The following UCHL3 variants were observed in gnomAD, a reference collection of about 807,000 sequenced individuals.
The protein encoded by UCHL3 is ubiquitin C-terminal hydrolase L3.
UCHL3 carries 22 observed loss-of-function variants against 35.8 expected under a neutral mutation model. The ratio of observed to expected loss-of-function variants is 0.61; its 90% confidence interval spans 0.44 to 0.88. The LOEUF is 0.88. Among genes scored for constraint, UCHL3 ranks in the 40% least tolerant of loss-of-function variants. The pLI is 0.00. For synonymous variants in UCHL3, 90 were observed against 92.8 expected, an observed-to-expected ratio of 0.97 and a Z score of 0.17; for missense variants, 229 against 276.9, an observed-to-expected ratio of 0.83 and a Z score of 1.23.
intron 7 of UCHL3, among the ~76,000 whole-genome samples, chr13:75,595,916 C>T (rs2032635913): frequency 6.6e-6 from 1 of 151,812 alleles, no homozygotes; most frequent in Non-Finnish European, 1.5e-5. Context: ...CTTATTATGA[C>T]TTCTTCTTAT....
chr13:75,595,957 A>G (rs575243293), intron 7 of UCHL3, among the ~76,000 whole-genome samples: 123 of 152,278 alleles, frequency 8.1e-4, no homozygotes, highest in African/African-American at 2.8e-3. Context: ...CGAGTTTTAA[A>G]AAAGCCAAAT....
chr13:75,592,084 G>A (rs7997260), intron 6 of UCHL3, among the ~76,000 whole-genome samples: 150,610 of 152,038 alleles, frequency 0.99, 74,616 homozygotes, highest in Middle Eastern at 1. Flanking sequence ...CTGGTGGTAT[G>A]TATTAAGTGC....
Position 75,604,825 on chromosome 13 carries a change from G to A in UCHL3, c.607G>A (p.Glu203Lys). The A allele has an allele frequency of 1.9e-6, 3 of 1,596,172 alleles. No individual in the cohort carries two copies. Among genetic ancestry groups the A allele is most frequent in the Non-Finnish European group, 2.6e-6 (3 of 1,171,492 alleles). Reference sequence around the variant, plus strand: ...TGAAACTAGTGATGAAACTTTATTAGAGGTAACAGTAACACTTGTTGGCCC... The same window carrying A: ...TGAAACTAGTGATGAAACTTTATTAAAGGTAACAGTAACACTTGTTGGCCC... ...HGETSDETLL[E>K]DAIEVCKKFM... The change falls in exon 8 of 9, where the codon GAG (glutamate) becomes AAG (lysine). Residue 203 changes from glutamate (E) to lysine (K), a missense_variant and splice_region_variant. By Grantham distance (56) the Glu-to-Lys change is moderately conservative. Coordinates refer to ENST00000377595, the MANE Select transcript of UCHL3 (RefSeq NM_006002.5).
At chr13:75,567,379 G>A (rs2031719969) in intron 5 of UCHL3, 67 bp downstream of exon 5, 12 of 1,409,084 alleles carry the variant, frequency 8.5e-6, no homozygotes, top group Non-Finnish European at 1.1e-5. Context: ...ATGTGTTTGG[G>A]GGTTTTGTCT....
At chr13:75,570,271 T>C (rs1462135999) in intron 6 of UCHL3, among the ~76,000 whole-genome samples, 2 of 152,076 alleles carry the variant, frequency 1.3e-5, no homozygotes, top group Non-Finnish European at 2.9e-5. Context: ...AGAGTCTTGC[T>C]CAGTTGCCCA....
rs551387926 is a variant in UCHL3, at chr13:75,588,875, A to G, written c.475-6040A>G. ...TACTCCCTCAAATTTTTTATTTTAT[A>G]TACTGGTGTTATTAATCCAATGTGA... On this transcript the variant is annotated intron_variant, in intron 6 of 8. Coordinates refer to ENST00000377595, the MANE Select transcript of UCHL3 (RefSeq NM_006002.5). 1.1e-4 allele frequency among the ~76,000 whole-genome samples: 17 copies of G among 152,248 alleles called. No individual in the cohort carries two copies. The East Asian group carries it at 2.9e-3, about 26-fold the overall frequency.
At chr13:75,602,398 A>G (rs761873410) in intron 7 of UCHL3, among the ~76,000 whole-genome samples, 6 of 152,168 alleles carry the variant, frequency 3.9e-5, no homozygotes, top group African/African-American at 7.2e-5. Context: ...TCAGGCCACT[A>G]TTTTCTTCCC....
chr13:75,572,051 CCTTT>C lies in UCHL3; in HGVS notation c.474+2550_474+2553del, dbSNP rs890018914. ...TTTACTTTTCCTTCCTTCCTTCCTT[CCTTT>C]CTTTCCTTCCTTTTCTTTAACTTGT... is the stretch of plus-strand genomic sequence containing the variant. On this transcript the variant is annotated intron_variant, in intron 6 of 8. Coordinates refer to ENST00000377595, the MANE Select transcript of UCHL3 (RefSeq NM_006002.5). Among the ~76,000 whole-genome samples, 13 of 139,946 alleles carry C rather than the reference CCTTT, an allele frequency of 9.3e-5. No homozygotes were observed. In the East Asian group the frequency reaches 1.0e-3, roughly 11 times the overall value. 91.8% of individuals were successfully genotyped at this position (139,946 alleles called of 152,430 possible).
chr13:75,581,516 A>ATT (rs11330521), intron 6 of UCHL3, among the ~76,000 whole-genome samples: 2 of 109,396 alleles, frequency 1.8e-5, no homozygotes, highest in African/African-American at 3.5e-5. Context: ...CACCTGGCTA[A>ATT]TTTTTTTTTT....
At chr13:75,601,571 G>A (rs1385735730) in intron 7 of UCHL3, among the ~76,000 whole-genome samples, 1 of 152,038 alleles carries the variant, frequency 6.6e-6, no homozygotes, top group East Asian at 1.9e-4. Context: ...TTTAATTAAG[G>A]TATGTATATT....
intron 2 of UCHL3, among the ~76,000 whole-genome samples, chr13:75,552,555 A>T (rs1402876965): frequency 2.0e-5 from 3 of 152,244 alleles, no homozygotes; most frequent in African/African-American, 7.2e-5. Flanking sequence ...CATGTGTCTC[A>T]GCAGATGTGG....
At position 75,605,456 on chromosome 13, in the gene UCHL3, C is replaced by T. The variant is rs558720942; in HGVS notation, c.610-273C>T. 7.9e-5 allele frequency among the ~76,000 whole-genome samples: 12 copies of T among 152,130 alleles called. No homozygotes were observed. In the East Asian group the frequency reaches 2.1e-3, roughly 27 times the overall value. ...CCGGAAGGCAGAGGTTGCAGTGGGC[C>T]GAGATTGCACCACTGCACTCCAGCC... On this transcript the variant is annotated intron_variant, in intron 8 of 8. Coordinates refer to ENST00000377595, the MANE Select transcript of UCHL3 (RefSeq NM_006002.5).
In UCHL3 at chr13:75,569,556, A is replaced by C. The variant is rs377460620; in HGVS notation, c.474+49A>C. ...TTTCTTGCTATAAATTTAACCATAT[A>C]AATTTCTTGCTGTAAATTTAACCAT... On this transcript the variant is annotated intron_variant, in intron 6 of 8. Coordinates refer to ENST00000377595, the MANE Select transcript of UCHL3 (RefSeq NM_006002.5). 24 of 1,515,658 alleles carry C rather than the reference A, an allele frequency of 1.6e-5. No homozygotes were observed. In the East Asian group the frequency reaches 2.9e-4, roughly 19 times the overall value. 93.9% of individuals were successfully genotyped at this position (1,515,658 alleles called of 1,614,324 possible).
In UCHL3 at chr13:75,604,750, G is replaced by T. The variant is rs199684200; in HGVS notation, c.551-19G>T. On this transcript the variant is annotated intron_variant, in intron 7 of 8. Coordinates refer to ENST00000377595, the MANE Select transcript of UCHL3 (RefSeq NM_006002.5). ...TGTAAAAACAGCTAAGCATTCAATT[G>T]TTTGTCTGTTTTCCACAGATGGGCG... 1 of 1,586,998 alleles carries T rather than the reference G, an allele frequency of 6.3e-7. No homozygotes were observed. Among genetic ancestry groups the T allele is most frequent in the Non-Finnish European group, 8.6e-7 (1 of 1,167,252 alleles).
At chr13:75,573,120 T>A (rs1382102047) in intron 6 of UCHL3, among the ~76,000 whole-genome samples, 1 of 151,900 alleles carries the variant, frequency 6.6e-6, no homozygotes, top group Admixed American at 6.6e-5. Context: ...AAAAATCAGC[T>A]GGGCGTGGTG....
At chr13:75,558,463 G>C (rs760307652) in intron 2 of UCHL3, among the ~76,000 whole-genome samples, 2 of 152,186 alleles carry the variant, frequency 1.3e-5, no homozygotes, top group African/African-American at 4.8e-5. Context: ...TTGCTCTGTT[G>C]TATGTACCAT....
At chr13:75,592,494 C>A (rs1391807672) in intron 6 of UCHL3, among the ~76,000 whole-genome samples, 1 of 74,862 alleles carries the variant, frequency 1.3e-5, no homozygotes, top group Admixed American at 1.6e-4. Flanking sequence ...CATCTATAGC[C>A]TTTTTTTTTT....
At chr13:75,595,816 T>G (rs752453844) in intron 7 of UCHL3, among the ~76,000 whole-genome samples, 1 of 151,276 alleles carries the variant, frequency 6.6e-6, no homozygotes, top group Non-Finnish European at 1.5e-5. Context: ...TACCTTTCAG[T>G]GGACTATTTC....
At chr13:75,570,496 A>G (rs934055621) in intron 6 of UCHL3, among the ~76,000 whole-genome samples, 25 of 152,168 alleles carry the variant, frequency 1.6e-4, no homozygotes, top group African/African-American at 5.8e-4. Context: ...TCAGCCTCCC[A>G]TAGTGCTGGG....
Sources: gnomAD v4.1 joint callset for allele counts (sites outside exome capture counted in the v4.1 genomes callset) on GRCh38, gnomAD v4.1.1 for gene constraint, MANE v1.5 for transcripts, NCBI Gene and HGNC (gene_info 2026-07-23, HGNC 2026-07-21) for gene names.